The following ANO3 variants were observed in gnomAD, a reference collection of about 807,000 sequenced individuals.
ANO3 encodes anoctamin-3.
ANO3 carries 99 observed loss-of-function variants against 144.8 expected under a neutral mutation model. The observed-to-expected ratio is 0.68, with a 90% CI of 0.58 to 0.81. The LOEUF is 0.81. Ranked by LOEUF, ANO3 falls within the 30% of genes least tolerant of loss-of-function variation. The pLI is 0.00. For missense variants in ANO3, 905 were observed against 1,202.2 expected (o/e 0.75, Z 3.66); for synonymous variants, 414 against 392.6 (o/e 1.05, Z -0.64).
At chr11:26,202,315 TATAG>T in intron 1 of ANO3, among the ~76,000 whole-genome samples, 1 of 146,090 alleles carries the variant, frequency 6.8e-6, no homozygotes, top group East Asian at 2.0e-4. Flanking sequence ...ATATATATCA[TATAG>T]ATACATATGA....
At chr11:26,270,830 A>T (rs553280148) in intron 1 of ANO3, among the ~76,000 whole-genome samples, 71 of 152,364 alleles carry the variant, frequency 4.7e-4, no homozygotes, top group Admixed American at 1.6e-3. Flanking sequence ...CATAGGGAGC[A>T]TATGCAAACG....
At chr11:26,209,474 A>G (rs944849662) in intron 1 of ANO3, among the ~76,000 whole-genome samples, 10 of 152,220 alleles carry the variant, frequency 6.6e-5, no homozygotes, top group African/African-American at 2.4e-4. Flanking sequence ...GTGTCTTTAT[A>G]GTAGAATGAT....
intron 14 of ANO3, among the ~76,000 whole-genome samples, chr11:26,581,120 C>A (rs1851116820): frequency 6.6e-6 from 1 of 152,130 alleles, no homozygotes. Context: ...CAAGTAACTT[C>A]CTCACATAAC....
chr11:26,340,304 T>C (rs1015593501), intron 1 of ANO3, among the ~76,000 whole-genome samples: 1 of 152,164 alleles, frequency 6.6e-6, no homozygotes, highest in Admixed American at 6.5e-5. Flanking sequence ...TAACAGCAAT[T>C]TGGGAGGGTG....
chr11:26,570,021 A>G (rs1850757747), intron 14 of ANO3, among the ~76,000 whole-genome samples: 2 of 152,104 alleles, frequency 1.3e-5, no homozygotes, highest in African/African-American at 4.8e-5. Context: ...ACAAACTCGA[A>G]AACCTTCTAA....
chr11:26,245,019 G>A (rs936650870), intron 1 of ANO3, among the ~76,000 whole-genome samples: 2 of 73,412 alleles, frequency 2.7e-5, no homozygotes, highest in African/African-American at 4.2e-5. Flanking sequence ...GTGTGTGTGT[G>A]TGCATGCATG....
At chr11:26,650,778 A>C (rs188921731) in intron 24 of ANO3, among the ~76,000 whole-genome samples, 69 of 152,306 alleles carry the variant, frequency 4.5e-4, no homozygotes, top group Middle Eastern at 3.4e-3. Flanking sequence ...CTGAATGCCA[A>C]AGCGTAATGG....
At chr11:26,239,582 CT>C (rs1300613544) in intron 1 of ANO3, among the ~76,000 whole-genome samples, 17 of 152,106 alleles carry the variant, frequency 1.1e-4, no homozygotes, top group Admixed American at 1.1e-3. Context: ...ACTATAGTAG[CT>C]TTTACTCTTA....
At chr11:26,245,975 C>T (rs1338766946) in intron 1 of ANO3, among the ~76,000 whole-genome samples, 1 of 152,206 alleles carries the variant, frequency 6.6e-6, no homozygotes, top group Non-Finnish European at 1.5e-5. Context: ...TTAATGAAAA[C>T]TCCAATAAGG....
At chr11:26,458,960 A>T (rs1170918348) in intron 3 of ANO3, among the ~76,000 whole-genome samples, 2 of 152,162 alleles carry the variant, frequency 1.3e-5, no homozygotes, top group African/African-American at 2.4e-5. Flanking sequence ...TTGCGAGCAG[A>T]GGGAGAACTA....
rs1214545360 is a variant in ANO3, at chr11:26,299,193, A to G, written c.155-10452A>G. Among the ~76,000 whole-genome samples, 5 of 152,164 alleles carry G rather than the reference A, an allele frequency of 3.3e-5. No individual in the cohort carries two copies. In the East Asian group the frequency reaches 9.6e-4, roughly 29 times the overall value. Reference sequence around the variant, plus strand: ...AATGACAAAGGAGGCTGAAAAGGAGAGTTAGTGAGGCTGGAGAAGAATCAA... The same window carrying G: ...AATGACAAAGGAGGCTGAAAAGGAGGGTTAGTGAGGCTGGAGAAGAATCAA... On this transcript the variant is annotated intron_variant, in intron 1 of 27. Coordinates refer to the ANO3 transcript ENST00000672621.
At chr11:26,576,859 G>T (rs189207072) in intron 14 of ANO3, among the ~76,000 whole-genome samples, 93 of 152,290 alleles carry the variant, frequency 6.1e-4, no homozygotes, top group Admixed American at 3.3e-3. Flanking sequence ...AAGATTAAAT[G>T]AGTGAATTGA....
chr11:26,272,780 CA>C (rs1396499966), intron 1 of ANO3, among the ~76,000 whole-genome samples: 42 of 152,176 alleles, frequency 2.8e-4, no homozygotes, highest in African/African-American at 1.0e-3. Flanking sequence ...TTAAGATGCA[CA>C]AAGGACATTT....
intron 1 of ANO3, among the ~76,000 whole-genome samples, chr11:26,392,798 T>C (rs1590322239): frequency 6.6e-6 from 1 of 152,112 alleles, no homozygotes; most frequent in Admixed American, 6.6e-5. Context: ...CTGTAAACTT[T>C]GAGATTATTA....
intron 1 of ANO3, among the ~76,000 whole-genome samples, chr11:26,213,927 T>C (rs1427463035): frequency 6.6e-6 from 1 of 152,020 alleles, no homozygotes; most frequent in East Asian, 1.9e-4. Context: ...TGAATTTGCA[T>C]TTATCTCTCT....
At chr11:26,565,660 G>C (rs749595575) in intron 14 of ANO3, 21 of 1,607,190 alleles carry the variant, frequency 1.3e-5, no homozygotes, top group Non-Finnish European at 1.7e-5. Context: ...CTCGCCTTGA[G>C]ATTTGAGGTG....
At chr11:26,269,716 C>T (rs543311581) in intron 1 of ANO3, among the ~76,000 whole-genome samples, 31 of 152,268 alleles carry the variant, frequency 2.0e-4, no homozygotes, top group African/African-American at 7.0e-4. Flanking sequence ...TAAGGAGTCA[C>T]GGAGTCTGGA....
chr11:26,650,534 G>A (rs1023726521), intron 24 of ANO3, among the ~76,000 whole-genome samples: 4 of 152,098 alleles, frequency 2.6e-5, no homozygotes, highest in Admixed American at 6.5e-5. Context: ...AAAAATATTG[G>A]TGAATAAAGT....
At chr11:26,525,378 A>T (rs183743796) in intron 6 of ANO3, among the ~76,000 whole-genome samples, 1 of 151,250 alleles carries the variant, frequency 6.6e-6, no homozygotes, top group African/African-American at 2.5e-5. Flanking sequence ...AAATAGAATT[A>T]AAAATAATTC....
Sources: allele counts gnomAD v4.1 joint callset (sites outside exome capture counted in the v4.1 genomes callset), GRCh38; gene constraint gnomAD v4.1.1; transcripts MANE v1.5; gene names NCBI Gene and HGNC (gene_info 2026-07-23, HGNC 2026-07-21).